Variants in CA10 observed in about 807,000 individuals in gnomAD.
CA10 encodes the protein carbonic anhydrase 10 (inactive), also known as carbonic anhydrase-related protein 10.
CA10 carries 14 observed loss-of-function variants against 44.2 expected under a neutral mutation model. That is an observed-to-expected ratio of 0.32 (90% CI 0.21 to 0.50). The LOEUF (loss-of-function observed/expected upper bound fraction) is 0.50, where lower values mean the gene tolerates loss of function less well. Ranked by LOEUF, CA10 falls within the 20% of genes least tolerant of loss-of-function variation. The pLI, the probability that CA10 is intolerant of heterozygous loss-of-function variation, is 0.99. For missense variants in CA10, 350 were observed against 409.7 expected (o/e 0.85, Z 1.26); for synonymous variants, 159 against 141.6 (o/e 1.12, Z -0.87).
intron 3 of CA10, among the ~76,000 whole-genome samples, chr17:51,781,031 A>G (rs1394427978): frequency 6.6e-6 from 1 of 152,134 alleles, no homozygotes; most frequent in Non-Finnish European, 1.5e-5. Flanking sequence ...TCTTCTAAAT[A>G]TGTGTCTATC....
At chr17:51,929,381 C>T (rs367883250) in intron 3 of CA10, among the ~76,000 whole-genome samples, 9 of 152,232 alleles carry the variant, frequency 5.9e-5, no homozygotes, top group Admixed American at 1.3e-4. Context: ...AACTCGTAGG[C>T]GAAGGATTCA....
At chr17:52,078,750 A>T (rs1461988092) in intron 1 of CA10, among the ~76,000 whole-genome samples, 1 of 152,240 alleles carries the variant, frequency 6.6e-6, no homozygotes, top group East Asian at 1.9e-4. Context: ...GATCGTCAGA[A>T]GAAACATAAA....
chr17:51,758,924 G>A (rs934533619), intron 3 of CA10, among the ~76,000 whole-genome samples: 5 of 152,132 alleles, frequency 3.3e-5, no homozygotes, highest in Non-Finnish European at 7.3e-5. Flanking sequence ...GCCAGACTGT[G>A]AATGCAAGAC....
In CA10 at chr17:51,972,568, G is replaced by A. The variant is rs1262119948; in HGVS notation, c.137-41436C>T. 2.0e-5 allele frequency among the ~76,000 whole-genome samples: 3 copies of A among 152,220 alleles called. No individual in the cohort carries two copies. In the East Asian group the frequency reaches 5.8e-4, roughly 29 times the overall value. ...AGAGGAGGTCCATCCATTAAAGGAAGTGGATTCAAGAACATATAAATCTAA... is the reference window on the plus strand; with the variant it reads ...AGAGGAGGTCCATCCATTAAAGGAAATGGATTCAAGAACATATAAATCTAA... On this transcript the variant is annotated intron_variant, in intron 2 of 8. Transcript: ENST00000451037.
At chr17:52,148,438 G>T (rs1406595991) in intron 1 of CA10, among the ~76,000 whole-genome samples, 2 of 152,158 alleles carry the variant, frequency 1.3e-5, no homozygotes, top group African/African-American at 4.8e-5. Context: ...AACTATAAGT[G>T]CCCCAAATAA....
At chr17:51,928,801 CATT>C (rs1982533284) in intron 3 of CA10, among the ~76,000 whole-genome samples, 1 of 152,154 alleles carries the variant, frequency 6.6e-6, no homozygotes, top group Non-Finnish European at 1.5e-5. Context: ...GTTTCCAACT[CATT>C]AAACATCACC....
intron 3 of CA10, among the ~76,000 whole-genome samples, chr17:51,915,874 G>A (rs1981974982): frequency 6.6e-6 from 1 of 151,810 alleles, no homozygotes; most frequent in Admixed American, 6.6e-5. Context: ...CACTCTTGAG[G>A]AAAATGCTAG....
intron 3 of CA10, among the ~76,000 whole-genome samples, chr17:51,764,938 C>T (rs1305880762): frequency 6.6e-6 from 1 of 152,194 alleles, no homozygotes; most frequent in Non-Finnish European, 1.5e-5. Context: ...AACTGCTCCA[C>T]TTTGAAGAAC....
intron 4 of CA10, among the ~76,000 whole-genome samples, chr17:51,717,628 C>T (rs1266436416): frequency 1.5e-5 from 1 of 65,336 alleles, no homozygotes; most frequent in African/African-American, 5.0e-5. Flanking sequence ...TATATATGCA[C>T]ATATATGCAT....
At chr17:51,708,060 G>T (rs1451277886) in intron 4 of CA10, among the ~76,000 whole-genome samples, 1 of 152,246 alleles carries the variant, frequency 6.6e-6, no homozygotes, top group East Asian at 1.9e-4. Context: ...AATCATGAAA[G>T]ACGTGATCTG....
intron 3 of CA10, among the ~76,000 whole-genome samples, chr17:51,889,328 C>T (rs532300274): frequency 6.6e-6 from 1 of 152,212 alleles, no homozygotes; most frequent in African/African-American, 2.4e-5. Context: ...TCAACACTAG[C>T]CTGGGCAATG....
At chr17:52,147,854 T>C (rs1989622158) in intron 1 of CA10, among the ~76,000 whole-genome samples, 1 of 151,978 alleles carries the variant, frequency 6.6e-6, no homozygotes, top group African/African-American at 2.4e-5. Context: ...ATAGGGCCCC[T>C]TTTTTTTCTA....
At chr17:51,824,580 T>C (rs1039442835) in intron 3 of CA10, among the ~76,000 whole-genome samples, 1 of 152,236 alleles carries the variant, frequency 6.6e-6, no homozygotes, top group Non-Finnish European at 1.5e-5. Flanking sequence ...TCAGTCTTAT[T>C]GATTTTTCCC....
intron 2 of CA10, among the ~76,000 whole-genome samples, chr17:52,017,878 T>C (rs1186415215): frequency 6.6e-6 from 1 of 152,028 alleles, no homozygotes; most frequent in Non-Finnish European, 1.5e-5. Flanking sequence ...CCCAGAGGCT[T>C]GGAAAGGAAG....
At chr17:51,791,424 T>A (rs568865551) in intron 3 of CA10, among the ~76,000 whole-genome samples, 1 of 152,374 alleles carries the variant, frequency 6.6e-6, no homozygotes, top group Non-Finnish European at 1.5e-5. Flanking sequence ...GCAGAGTGCC[T>A]GGTGCACAGT....
At chr17:51,944,030 C>T (rs540223434) in intron 2 of CA10, among the ~76,000 whole-genome samples, 63 of 152,214 alleles carry the variant, frequency 4.1e-4, no homozygotes, top group African/African-American at 1.5e-3. Flanking sequence ...ATTTTCTCCA[C>T]CTTTTGTTCT....
intron 3 of CA10, among the ~76,000 whole-genome samples, chr17:51,914,625 C>T (rs1175203833): frequency 6.6e-6 from 1 of 152,156 alleles, no homozygotes; most frequent in Non-Finnish European, 1.5e-5. Flanking sequence ...CACCCACCAT[C>T]CCTCATGCTC....
chr17:51,757,014 G>A (rs1905097909), intron 3 of CA10, among the ~76,000 whole-genome samples: 1 of 152,170 alleles, frequency 6.6e-6, no homozygotes, highest in African/African-American at 2.4e-5. Context: ...AGGCCACTCA[G>A]TGAAGAAGAT....
intron 4 of CA10, among the ~76,000 whole-genome samples, chr17:51,688,437 A>G (rs1450486644): frequency 4.6e-5 from 7 of 152,192 alleles, no homozygotes; most frequent in Non-Finnish European, 8.8e-5. Flanking sequence ...TTTTTGAATT[A>G]CGGTTTGCAC....
Sources: gnomAD v4.1 joint callset for allele counts (sites outside exome capture counted in the v4.1 genomes callset) on GRCh38, gnomAD v4.1.1 for gene constraint, MANE v1.5 for transcripts, NCBI Gene and HGNC (gene_info 2026-07-23, HGNC 2026-07-21) for gene names.